The following DAB1 variants were observed in gnomAD, a reference collection of about 807,000 sequenced individuals.
DAB1 encodes the protein disabled homolog 1.
DAB1 carries 15 observed loss-of-function variants against 64.6 expected under a neutral mutation model. The ratio of observed to expected loss-of-function variants is 0.23; its 90% CI spans 0.16 to 0.36. The LOEUF (loss-of-function observed/expected upper bound fraction) is 0.36, where lower values mean the gene tolerates loss of function less well. DAB1 is among the 10% of genes least tolerant of loss of function. The pLI, the probability that DAB1 is intolerant of heterozygous loss-of-function variation, is 1.00. For missense variants in DAB1, 596 were observed against 706.7 expected, an observed-to-expected ratio of 0.84 and a Z score of 1.78; for synonymous variants, 235 against 251.9, an observed-to-expected ratio of 0.93 and a Z score of 0.64.
intron 5 of DAB1, among the ~76,000 whole-genome samples, chr1:58,033,888 C>A (rs1042040471): frequency 2.0e-5 from 3 of 152,106 alleles, no homozygotes; most frequent in Admixed American, 2.0e-4. Flanking sequence ...CTGATTATAA[C>A]CCATGCATAG....
chr1:57,534,835 G>C (rs1644706946), intron 7 of DAB1, among the ~76,000 whole-genome samples: 2 of 152,160 alleles, frequency 1.3e-5, no homozygotes, highest in Admixed American at 1.3e-4. Flanking sequence ...ATTGTATTTA[G>C]AGGATACCTT....
chr1:57,736,124 G>A (rs1029144025), intron 6 of DAB1, among the ~76,000 whole-genome samples: 2 of 152,158 alleles, frequency 1.3e-5, no homozygotes. Context: ...GCTATATACT[G>A]TCTTGTAAAA....
intron 5 of DAB1, among the ~76,000 whole-genome samples, chr1:58,139,733 T>C (rs1213662319): frequency 6.6e-6 from 1 of 152,200 alleles, no homozygotes; most frequent in African/African-American, 2.4e-5. Context: ...CTAAAAGATG[T>C]AATTTGATTT....
chr1:57,850,920 T>C (rs1271479721), intron 1 of DAB1, among the ~76,000 whole-genome samples: 2 of 152,216 alleles, frequency 1.3e-5, no homozygotes, highest in Non-Finnish European at 2.9e-5. Flanking sequence ...TCATTTCTGC[T>C]AGGTGCTTTT....
chr1:57,738,085 A>C (rs1647782203), intron 6 of DAB1, among the ~76,000 whole-genome samples: 1 of 152,228 alleles, frequency 6.6e-6, no homozygotes, highest in Non-Finnish European at 1.5e-5. Context: ...GAGTCTGGGA[A>C]AGGGGCCCAG....
rs190059942 is a variant in DAB1, at chr1:57,693,523, T to C, written n.552-43858A>G. Among the ~76,000 whole-genome samples, 1,270 of 151,786 alleles carry C rather than the reference T, an allele frequency of 8.4e-3. 14 individuals are homozygous for C. The highest frequency in any genetic ancestry group is 0.012 in the Non-Finnish European group (805 of 68,024). ...ATCAGCACTCTGTAAAATGGACCAA[T>C]CAGCAGGATGTGGGTGGGGCCAAAT... is the stretch of plus-strand genomic sequence containing the variant. On this transcript the variant is annotated intron_variant and non_coding_transcript_variant, in intron 6 of 20. Transcript: ENST00000485760.
chr1:57,760,826 C>G (rs1447872565), intron 6 of DAB1, among the ~76,000 whole-genome samples: 1 of 152,144 alleles, frequency 6.6e-6, no homozygotes, highest in African/African-American at 2.4e-5. Flanking sequence ...TACAGGAAAG[C>G]AAGCCCAATT....
intron 6 of DAB1, among the ~76,000 whole-genome samples, chr1:57,665,614 AGG>A (rs1033648034): frequency 2.6e-5 from 4 of 152,162 alleles, no homozygotes; most frequent in Non-Finnish European, 5.9e-5. Flanking sequence ...GCCTATTTGT[AGG>A]GGAGATAGTG....
At chr1:58,487,383 T>A (rs959033362) in intron 3 of DAB1, among the ~76,000 whole-genome samples, 4 of 152,274 alleles carry the variant, frequency 2.6e-5, no homozygotes, top group African/African-American at 9.6e-5. Context: ...TACTGTAATA[T>A]AATATCGTAT....
chr1:57,641,244 C>A (rs1274593086), intron 7 of DAB1, among the ~76,000 whole-genome samples: 1 of 152,102 alleles, frequency 6.6e-6, no homozygotes, highest in African/African-American at 2.4e-5. Context: ...TCATACAAAT[C>A]TCCACCTCAC....
chr1:57,560,259 C>A (rs1008674977), intron 7 of DAB1, among the ~76,000 whole-genome samples: 1 of 152,232 alleles, frequency 6.6e-6, no homozygotes, highest in Non-Finnish European at 1.5e-5. Flanking sequence ...AGAGCTTGAT[C>A]ACTTTTTGCT....
intron 5 of DAB1, among the ~76,000 whole-genome samples, chr1:58,060,537 T>G (rs554347285): frequency 6.6e-6 from 1 of 152,220 alleles, no homozygotes; most frequent in Admixed American, 6.5e-5. Flanking sequence ...GGTAGATAAG[T>G]GGAAGGGTAA....
intron 2 of DAB1, among the ~76,000 whole-genome samples, chr1:57,220,729 G>A (rs559423478): frequency 0.011 from 1,707 of 152,186 alleles, 31 homozygotes; most frequent in African/African-American, 0.039. Flanking sequence ...TTAGAATGGC[G>A]ATCATTAAAA....
intron 3 of DAB1, among the ~76,000 whole-genome samples, chr1:57,143,912 G>A (rs892425861): frequency 1.3e-5 from 2 of 150,392 alleles, no homozygotes; most frequent in Non-Finnish European, 3.0e-5. Context: ...AGATGTTTAT[G>A]TATATGTATA....
rs146953678 is a variant in DAB1, at chr1:58,510,737, A to C, written n.108-4528T>G. On this transcript the variant is annotated intron_variant and non_coding_transcript_variant, in intron 2 of 20. Transcript: ENST00000485760. ...GAAAACTAAAGACTCCACACACACA[A>C]AAAAAAACCCTGCTAGAACTAATAA... Among the ~76,000 whole-genome samples the C allele has an allele frequency of 8.7e-3, 1,323 of 151,952 alleles. 15 individuals carry two copies. The highest frequency in any genetic ancestry group is 0.019 in the African/African-American group (795 of 41,464).
intron 5 of DAB1, among the ~76,000 whole-genome samples, chr1:58,094,343 T>G (rs1650860467): frequency 6.6e-6 from 1 of 152,232 alleles, no homozygotes; most frequent in Non-Finnish European, 1.5e-5. Context: ...ATTGTTTTCC[T>G]GATTGGACCC....
At chr1:57,355,873 A>AACACACAC (rs10529674) in intron 1 of DAB1, among the ~76,000 whole-genome samples, 262 of 146,394 alleles carry the variant, frequency 1.8e-3, no homozygotes, top group South Asian at 2.3e-3. Context: ...AACCTCAATA[A>AACACACAC]ACACACACAC....
intron 6 of DAB1, among the ~76,000 whole-genome samples, chr1:57,742,883 G>GT (rs1648068731): frequency 1.3e-5 from 2 of 152,154 alleles, no homozygotes; most frequent in African/African-American, 4.8e-5. Context: ...AATCAAGACT[G>GT]TCTGGCAAGA....
intron 5 of DAB1, among the ~76,000 whole-genome samples, chr1:57,981,945 C>T (rs924262534): frequency 6.6e-6 from 1 of 152,170 alleles, no homozygotes; most frequent in Non-Finnish European, 1.5e-5. Context: ...AAATAAGTGA[C>T]TCTGAAAGCC....
Sources: gnomAD v4.1 joint callset for allele counts (sites outside exome capture counted in the v4.1 genomes callset) on GRCh38, gnomAD v4.1.1 for gene constraint, MANE v1.5 for transcripts, NCBI Gene and HGNC (gene_info 2026-07-23, HGNC 2026-07-21) for gene names.